The following CCDC172 variants were observed in gnomAD, a reference collection of about 807,000 sequenced individuals.
CCDC172 encodes the protein coiled-coil domain-containing protein 172.
CCDC172 carries 30 observed loss-of-function variants against 38.0 expected under a neutral mutation model. That is an observed-to-expected ratio of 0.79 (90% CI 0.59 to 1.07). The LOEUF (loss-of-function observed/expected upper bound fraction) is 1.07. Among genes scored for constraint, CCDC172 ranks in the 50% least tolerant of loss-of-function variants. CCDC172 has a pLI of 0.00. For missense variants in CCDC172, 297 were observed against 290.1 expected (o/e 1.02, Z -0.17); for synonymous variants, 78 against 88.3 (o/e 0.88, Z 0.66).
intron 7 of CCDC172, among the ~76,000 whole-genome samples, chr10:116,361,244 CA>C (rs1845061474): frequency 6.6e-6 from 1 of 151,976 alleles, no homozygotes; most frequent in South Asian, 2.1e-4. Flanking sequence ...CTCAGTCTCC[CA>C]AAGTGTTAAG....
At position 116,343,699 on chromosome 10, in the gene CCDC172, G is replaced by A. The variant is rs541553819; in HGVS notation, c.448+1498G>A. ...CTCTTAAAAACTTTGTGGGTCTCAC[G>A]TGAATCCTACTGAGGCTCACTTCAT... is the stretch of plus-strand genomic sequence containing the variant. On this transcript the variant is annotated intron_variant, in intron 5 of 8. Transcript: ENST00000333254. 9.2e-5 allele frequency among the ~76,000 whole-genome samples: 14 copies of A among 152,068 alleles called. 1 individual carries two copies. The East Asian group carries it at 1.2e-3, about 13-fold the overall frequency.
At chr10:116,341,742 C>T (rs1844797884) in intron 4 of CCDC172, among the ~76,000 whole-genome samples, 2 of 151,580 alleles carry the variant, frequency 1.3e-5, no homozygotes, top group Non-Finnish European at 2.9e-5. Flanking sequence ...TAATATGATT[C>T]TGAATTTTAA....
At chr10:116,344,710 A>T (rs1245023809) in intron 5 of CCDC172, among the ~76,000 whole-genome samples, 3 of 152,168 alleles carry the variant, frequency 2.0e-5, no homozygotes, top group Non-Finnish European at 2.9e-5. Flanking sequence ...AGCTTACTGT[A>T]ACTTTTTTAC....
chr10:116,325,270 T>C (rs767230497), intron 2 of CCDC172, 33 bp from the exon 3 acceptor site: 11 of 1,582,702 alleles, frequency 7.0e-6, no homozygotes, highest in African/African-American at 2.7e-5. Context: ...TTTAGAAAGA[T>C]TGATGTGTTT....
intron 3 of CCDC172, among the ~76,000 whole-genome samples, chr10:116,329,796 T>C (rs1159135053): frequency 6.6e-6 from 1 of 152,190 alleles, no homozygotes; most frequent in Non-Finnish European, 1.5e-5. Flanking sequence ...AGTCATCTCG[T>C]ATTCTTCACT....
Position 116,372,696 on chromosome 10 carries a change from A to G in CCDC172, c.654-5727A>G, listed in dbSNP as rs547959823. ...AGAAGCTCAGAGAGCCCCAAGCAGC[A>G]TTAAAGAAAAACAAACATCTATACA... On this transcript the variant is annotated intron_variant, in intron 7 of 8. Transcript: ENST00000333254. 8.5e-5 allele frequency among the ~76,000 whole-genome samples: 13 copies of G among 152,320 alleles called. No homozygotes were observed. In the South Asian group the frequency reaches 1.9e-3, roughly 22 times the overall value.
chr10:116,372,841 C>T (rs1177072293), intron 7 of CCDC172, among the ~76,000 whole-genome samples: 3 of 152,142 alleles, frequency 2.0e-5, no homozygotes, highest in South Asian at 2.1e-4. Flanking sequence ...TAGAAGACTT[C>T]TCATCAGAAA....
intron 3 of CCDC172, among the ~76,000 whole-genome samples, chr10:116,333,065 G>T (rs565130512): frequency 6.6e-6 from 1 of 151,778 alleles, no homozygotes; most frequent in East Asian, 1.9e-4. Context: ...TTGTTTTCTA[G>T]TGGACATGTC....
intron 3 of CCDC172, among the ~76,000 whole-genome samples, chr10:116,330,083 TGTA>T (rs1844641214): frequency 2.0e-5 from 3 of 152,198 alleles, no homozygotes; most frequent in African/African-American, 7.2e-5. Flanking sequence ...ACAGTCAAGT[TGTA>T]GTTATTTAGA....
At chr10:116,354,412 G>A (rs1342470898) in intron 5 of CCDC172, among the ~76,000 whole-genome samples, 1 of 152,040 alleles carries the variant, frequency 6.6e-6, no homozygotes, top group East Asian at 1.9e-4. Flanking sequence ...ATTCTAGAAG[G>A]CATTGTTATC....
intron 3 of CCDC172, among the ~76,000 whole-genome samples, chr10:116,339,932 C>G (rs531768833): frequency 6.6e-5 from 10 of 151,868 alleles, no homozygotes; most frequent in Non-Finnish European, 1.5e-4. Context: ...TATCCTTTTT[C>G]TTTTCCCTGT....
At chr10:116,348,084 CT>C (rs1844888358) in intron 5 of CCDC172, among the ~76,000 whole-genome samples, 1 of 151,682 alleles carries the variant, frequency 6.6e-6, no homozygotes, top group Non-Finnish European at 1.5e-5. Flanking sequence ...CATACTGACG[CT>C]TTTTTCTTTC....
intron 7 of CCDC172, among the ~76,000 whole-genome samples, chr10:116,362,432 A>G (rs1845076334): frequency 6.6e-6 from 1 of 152,230 alleles, no homozygotes; most frequent in Admixed American, 6.5e-5. Flanking sequence ...TGGATGTACA[A>G]GATAGTTTCT....
intron 6 of CCDC172, 71 bp from the exon 7 acceptor site, chr10:116,357,765 C>G (rs754712984): frequency 2.7e-5 from 23 of 847,728 alleles, no homozygotes; most frequent in Non-Finnish European, 4.3e-5. Context: ...GAGTACTGTT[C>G]TTATGAGTGA....
At chr10:116,370,748 C>G (rs910746806) in intron 7 of CCDC172, among the ~76,000 whole-genome samples, 4 of 151,302 alleles carry the variant, frequency 2.6e-5, no homozygotes, top group African/African-American at 7.3e-5. Flanking sequence ...ATCAATTTGC[C>G]TAGCATCAAG....
intron 5 of CCDC172, among the ~76,000 whole-genome samples, chr10:116,342,727 C>T (rs901506946): frequency 2.6e-5 from 4 of 152,118 alleles, no homozygotes; most frequent in Non-Finnish European, 5.9e-5. Context: ...GTGATTGGCT[C>T]ATGGGGGCAG....
At chr10:116,336,000 CT>C (rs1163008295) in intron 3 of CCDC172, among the ~76,000 whole-genome samples, 2 of 152,024 alleles carry the variant, frequency 1.3e-5, no homozygotes, top group East Asian at 3.9e-4. Context: ...AACCCTGTCT[CT>C]ACTAAAAATA....
intron 7 of CCDC172, among the ~76,000 whole-genome samples, chr10:116,366,944 C>T (rs1845130025): frequency 6.6e-6 from 1 of 152,002 alleles, no homozygotes; most frequent in Non-Finnish European, 1.5e-5. Flanking sequence ...GTTTATGATC[C>T]ATGCATTTTT....
intron 3 of CCDC172, among the ~76,000 whole-genome samples, chr10:116,329,708 G>C (rs1368630979): frequency 6.6e-6 from 1 of 152,080 alleles, no homozygotes; most frequent in East Asian, 1.9e-4. Flanking sequence ...TGCACACATT[G>C]ACAGTGCAAA....
Sources: gnomAD v4.1 joint callset for allele counts (sites outside exome capture counted in the v4.1 genomes callset) on GRCh38, gnomAD v4.1.1 for gene constraint, MANE v1.5 for transcripts, NCBI Gene and HGNC (gene_info 2026-07-23, HGNC 2026-07-21) for gene names.